The following BIRC6 variants were observed in gnomAD, a reference collection of about 807,000 sequenced individuals.
BIRC6 encodes baculoviral IAP repeat containing 6.
A neutral mutation model predicts 503.3 loss-of-function variants in BIRC6; 98 were observed. The ratio of observed to expected loss-of-function variants is 0.19; its 90% CI spans 0.17 to 0.23. The LOEUF (loss-of-function observed/expected upper bound fraction) is 0.23. BIRC6 is among the 10% of genes least tolerant of loss of function. The pLI is 1.00. For missense variants in BIRC6, 5,360 were observed against 5,806.0 expected (o/e 0.92, Z 2.50); for synonymous variants, 2,240 against 2,078.7 (o/e 1.08, Z -2.11).
At chr2:32,427,579 C>T (rs2043663076) in intron 10 of BIRC6, among the ~76,000 whole-genome samples, 1 of 152,184 alleles carries the variant, frequency 6.6e-6, no homozygotes, top group Admixed American at 6.5e-5. Flanking sequence ...AGCCACTGCT[C>T]CTGGCCTTTA....
At chr2:32,363,902 T>C (rs2034492461) in intron 1 of BIRC6, among the ~76,000 whole-genome samples, 2 of 152,206 alleles carry the variant, frequency 1.3e-5, no homozygotes, top group South Asian at 2.1e-4. Flanking sequence ...GTGATTACTT[T>C]AAAAAATGTT....
In BIRC6 at chr2:32,401,550, T is replaced by C. The variant is rs773288158; in HGVS notation, c.1345T>C (p.Ser449Pro). Residue 449 changes from serine to proline, a missense_variant, in exon 8 of 74, where the codon TCA becomes CCA. By Grantham distance (74) the Ser-to-Pro change is moderately conservative. Around this residue, in one of 16 missense-constraint regions of BIRC6, gnomAD observed 700 missense variants for 739.3 expected, o/e 0.95. Transcript: ENST00000421745. ...AGGAGACCCAAGCTCAGGAGTTGAT[T>C]CAAGGAGACCAACTTTGGCGTGGCT... ...LSGDPSSGVD[S>P]RRPTLAWLED... 9.3e-6 allele frequency: 15 copies of C among 1,614,028 alleles called. No individual in the cohort carries two copies. The highest frequency in any genetic ancestry group is 1.0e-5 in the Non-Finnish European group (12 of 1,179,882).
chr2:32,442,298 T>A (rs2045520374), intron 18 of BIRC6, 26 bp from the exon 19 acceptor site: 1 of 1,612,344 alleles, frequency 6.2e-7, no homozygotes, highest in Non-Finnish European at 8.5e-7. Flanking sequence ...TCAGGATGAG[T>A]CTAAATGTCT....
In BIRC6 at chr2:32,377,914, TAAATA is replaced by T. The variant is rs1370097464; in HGVS notation, c.507+146_507+150del. 4.3e-6 allele frequency: 3 copies of T among 690,538 alleles called. No individual in the cohort carries two copies. The African/African-American group carries it at 5.6e-5, about 13-fold the overall frequency. The allele number at this position is 690,538 out of a possible 1,614,324, so 42.8% of individuals were successfully genotyped here. A position where few individuals can be genotyped will look rare whatever the true frequency, so the allele number is the denominator to read the frequency against. ...TTTACTTATTGACCACAACTTCATT[TAAATA>T]TTAATACTCACCTTTTCTCTGCATA... On this transcript the variant is annotated intron_variant, in intron 2 of 73. Transcript: ENST00000421745.
chr2:32,607,413 A>G, intron 71 of BIRC6, 42 bp from the exon 72 acceptor site: 1 of 1,353,270 alleles, frequency 7.4e-7, no homozygotes, highest in Non-Finnish European at 9.8e-7. Flanking sequence ...AACCCACAGT[A>G]AAAATGTCCC....
At chr2:32,475,913 A>AT (rs1309875867) in intron 33 of BIRC6, among the ~76,000 whole-genome samples, 1 of 151,930 alleles carries the variant, frequency 6.6e-6, no homozygotes, top group African/African-American at 2.4e-5. Flanking sequence ...TTAAAAGTAA[A>AT]TTTTTTTCTC....
chr2:32,601,441 C>T (rs1041845260), intron 70 of BIRC6, among the ~76,000 whole-genome samples: 14 of 152,264 alleles, frequency 9.2e-5, no homozygotes, highest in African/African-American at 2.9e-4. Flanking sequence ...ATTAGCTGGG[C>T]GTGGTGGCAC....
At chr2:32,470,073 A>G (rs936080537) in intron 30 of BIRC6, 95 bp from the exon 31 acceptor site, 30 of 1,085,666 alleles carry the variant, frequency 2.8e-5, no homozygotes, top group East Asian at 1.5e-4. Context: ...CAAATATTCT[A>G]TCATTACTCT....
intron 9 of BIRC6, among the ~76,000 whole-genome samples, chr2:32,414,030 G>A (rs2042166022): frequency 6.6e-6 from 1 of 152,176 alleles, no homozygotes; most frequent in South Asian, 2.1e-4. Flanking sequence ...GGTGGCTCAT[G>A]CCTGTAATCC....
chr2:32,607,720 G>T, intron 72 of BIRC6, 77 bp downstream of exon 72: 3 of 1,257,394 alleles, frequency 2.4e-6, no homozygotes, highest in East Asian at 5.1e-5. Context: ...GCTCATGCCT[G>T]TAATCTCAGC....
chr2:32,460,272 A>ATTTT (rs70938346), intron 23 of BIRC6, among the ~76,000 whole-genome samples: 390 of 18,840 alleles, frequency 0.021, 98 homozygotes, highest in Middle Eastern at 0.17. Context: ...ATATATATAT[A>ATTTT]TTTTTTTTTT....
At chr2:32,594,654 C>T (rs1430221770) in intron 67 of BIRC6, among the ~76,000 whole-genome samples, 1 of 152,082 alleles carries the variant, frequency 6.6e-6, no homozygotes, top group Non-Finnish European at 1.5e-5. Flanking sequence ...TGTAATTGCA[C>T]CACTGTACTC....
intron 22 of BIRC6, 142 bp downstream of exon 22, chr2:32,449,070 TG>T: frequency 1.4e-6 from 1 of 732,872 alleles, no homozygotes; most frequent in East Asian, 2.9e-5. Context: ...ATTATTAAAA[TG>T]TTTCCTAGAA....
chr2:32,453,120 A>G (rs914135572), intron 22 of BIRC6, among the ~76,000 whole-genome samples: 1 of 151,408 alleles, frequency 6.6e-6, no homozygotes, highest in African/African-American at 2.4e-5. Context: ...TTGCCTTCCC[A>G]AGCTGCATAC....
chr2:32,487,562 T>C, intron 40 of BIRC6, 85 bp from the exon 41 acceptor site: 1 of 1,212,516 alleles, frequency 8.2e-7, no homozygotes, highest in Non-Finnish European at 1.2e-6. Context: ...TTAAAAACAA[T>C]TTAACCTATT....
chr2:32,455,310 G>T (rs1426937821), intron 23 of BIRC6, among the ~76,000 whole-genome samples: 1 of 151,174 alleles, frequency 6.6e-6, no homozygotes, highest in Non-Finnish European at 1.5e-5. Context: ...AACGTGAGAG[G>T]TGGAGCTTGC....
chr2:32,598,157 G>T (rs2061800254), intron 69 of BIRC6, among the ~76,000 whole-genome samples, 189 bp downstream of exon 69: 2 of 139,144 alleles, frequency 1.4e-5, no homozygotes, highest in African/African-American at 5.5e-5. Flanking sequence ...TTGGCGACAG[G>T]ATCTCACTTT....
Position 32,442,060 on chromosome 2 carries a change from TG to T in BIRC6, c.3945-4del, listed in dbSNP as rs1409498933. The stretch of plus-strand genomic sequence containing the variant: ...GTAATGTGTTTATATTTTCTTTTTT[TG>T]TAGAGTGCAACGATGTGCCATGTTA... On this transcript the variant is annotated splice_polypyrimidine_tract_variant and splice_region_variant and intron_variant, in intron 17 of 73. Transcript: ENST00000421745. 4 of 1,525,562 alleles carry T rather than the reference TG, an allele frequency of 2.6e-6. No homozygotes were observed. Among genetic ancestry groups the T allele is most frequent in the Middle Eastern group, 3.5e-4 (2 of 5,682 alleles). The allele number at this position is 1,525,562 out of a possible 1,614,324, so 94.5% of individuals were successfully genotyped here. A position where few individuals can be genotyped will look rare whatever the true frequency, so the allele number is the denominator to read the frequency against.
intron 23 of BIRC6, among the ~76,000 whole-genome samples, chr2:32,457,703 A>G (rs1282873455): frequency 1.2e-4 from 18 of 151,596 alleles, no homozygotes; most frequent in Admixed American, 1.1e-3. Flanking sequence ...TTTGTCTTTG[A>G]GCTTTTATCT....
Sources: gnomAD v4.1 joint callset for allele counts (sites outside exome capture counted in the v4.1 genomes callset) on GRCh38, gnomAD v4.1.1 for gene constraint, gnomAD v4.1.1 regional missense constraint, MANE v1.5 for transcripts, NCBI Gene and HGNC (gene_info 2026-07-23, HGNC 2026-07-21) for gene names.